The following USH2A variants were observed in gnomAD, a reference collection of about 807,000 sequenced individuals.
USH2A encodes the protein usherin.
Under a neutral mutation model 538.9 loss-of-function variants are expected in USH2A, and 443 were observed. That is an observed-to-expected ratio of 0.82 (90% CI 0.76 to 0.89). USH2A has a LOEUF of 0.89. Among genes scored for constraint, USH2A ranks in the 40% least tolerant of loss-of-function variants. USH2A has a pLI of 0.00. For synonymous variants in USH2A, 2,413 were observed against 2,273.5 expected (o/e 1.06, Z -1.75); for missense variants, 6,633 against 6,324.8 (o/e 1.05, Z -1.65).
chr1:216,304,125 G>A (rs1163055356), intron 9 of USH2A, among the ~76,000 whole-genome samples: 1 of 151,868 alleles, frequency 6.6e-6, no homozygotes, highest in African/African-American at 2.4e-5. Flanking sequence ...ACCATTTTAT[G>A]TACCACTCAA....
At chr1:216,255,481 C>T (rs1379087075) in intron 11 of USH2A, among the ~76,000 whole-genome samples, 1 of 152,120 alleles carries the variant, frequency 6.6e-6, no homozygotes, top group East Asian at 1.9e-4. Flanking sequence ...GTTTCCTCTT[C>T]TAATCTTGGA....
chr1:215,633,340 C>T (rs1656368768), intron 70 of USH2A, among the ~76,000 whole-genome samples: 1 of 152,132 alleles, frequency 6.6e-6, no homozygotes, highest in East Asian at 1.9e-4. Flanking sequence ...TGCTTCTCCA[C>T]CACCACGTCA....
At chr1:215,677,983 T>C (rs1006541178) in intron 62 of USH2A, among the ~76,000 whole-genome samples, 1 of 152,164 alleles carries the variant, frequency 6.6e-6, no homozygotes, top group African/African-American at 2.4e-5. Flanking sequence ...AACCCAAAAC[T>C]CATCTCAAAG....
chr1:216,074,648 T>A (rs2031688211), intron 27 of USH2A, among the ~76,000 whole-genome samples: 1 of 152,166 alleles, frequency 6.6e-6, no homozygotes. Flanking sequence ...AGACACTCAA[T>A]AAGTTGGGTG....
At chr1:216,192,814 T>G (rs1011193151) in intron 19 of USH2A, among the ~76,000 whole-genome samples, 1 of 152,108 alleles carries the variant, frequency 6.6e-6, no homozygotes, top group African/African-American at 2.4e-5. Flanking sequence ...ATATTTATTT[T>G]CCTGCCCCAT....
At chr1:215,731,970 A>G (rs2102716922) in intron 60 of USH2A, among the ~76,000 whole-genome samples, 1 of 152,334 alleles carries the variant, frequency 6.6e-6, no homozygotes, top group South Asian at 2.1e-4. Flanking sequence ...TTCATTTTGT[A>G]AAGTGGAGTT....
At chr1:216,328,302 G>A (rs2037776930) in intron 4 of USH2A, among the ~76,000 whole-genome samples, 1 of 152,032 alleles carries the variant, frequency 6.6e-6, no homozygotes, top group Admixed American at 6.6e-5. Context: ...CTTTGAATTA[G>A]GTGACCTTTC....
intron 13 of USH2A, among the ~76,000 whole-genome samples, chr1:216,233,357 G>A (rs542163652): frequency 6.6e-6 from 1 of 152,144 alleles, no homozygotes; most frequent in East Asian, 1.9e-4. Context: ...GACTTCCTCA[G>A]GCAACTTTCC....
chr1:216,347,798 C>T (rs1202522886), intron 4 of USH2A, among the ~76,000 whole-genome samples: 1 of 152,030 alleles, frequency 6.6e-6, no homozygotes, highest in Non-Finnish European at 1.5e-5. Flanking sequence ...CTGTTTTAAT[C>T]CTCTTTAAAA....
Position 215,674,212 on chromosome 1 carries a change from G to T in USH2A, c.13699C>A (p.Leu4567Ile). 1 of 1,614,152 alleles carries T rather than the reference G, an allele frequency of 6.2e-7. No homozygotes were observed. The highest frequency in any genetic ancestry group is 8.5e-7 in the Non-Finnish European group (1 of 1,180,022). ...RTNGDIINYT[L>I]FIRELFERET... ...CTTTCAAATAGTTCACGGATGAAGA[G>T]GGTATAATTGATGATATCACCATTT... The change falls in exon 63 of 72, where the codon CTC (leucine) becomes ATC (isoleucine). Residue 4567 changes from leucine to isoleucine, a missense_variant. Leu to Ile is a conservative substitution (Grantham distance 5). Coordinates refer to ENST00000307340, the MANE Select transcript of USH2A (RefSeq NM_206933.4).
chr1:215,841,201 G>A (rs1468838885), intron 46 of USH2A, among the ~76,000 whole-genome samples: 1 of 151,998 alleles, frequency 6.6e-6, no homozygotes, highest in Non-Finnish European at 1.5e-5. Flanking sequence ...CTACTTTAAA[G>A]TTCATATGGA....
chr1:215,764,252 G>A (rs1253192091), intron 56 of USH2A, among the ~76,000 whole-genome samples: 2 of 152,184 alleles, frequency 1.3e-5, no homozygotes, highest in Admixed American at 1.3e-4. Flanking sequence ...AAAACCAAGG[G>A]TGTGTAAACG....
At chr1:216,216,545 C>T (rs946557190) in intron 15 of USH2A, among the ~76,000 whole-genome samples, 2 of 151,936 alleles carry the variant, frequency 1.3e-5, no homozygotes, top group Non-Finnish European at 2.9e-5. Context: ...CTCAGGACAC[C>T]CCAAGGAGAA....
intron 36 of USH2A, among the ~76,000 whole-genome samples, chr1:215,969,199 G>A (rs555656559): frequency 1.2e-4 from 18 of 152,244 alleles, no homozygotes; most frequent in South Asian, 8.3e-4. Flanking sequence ...AGGGAAAAGC[G>A]TTTGCATACT....
At chr1:215,859,816 C>A (rs1664269833) in intron 44 of USH2A, among the ~76,000 whole-genome samples, 1 of 152,196 alleles carries the variant, frequency 6.6e-6, no homozygotes, top group Admixed American at 6.5e-5. Context: ...GTGCTTCTTA[C>A]ATGGCCTTAA....
chr1:216,416,122 T>C (rs1334028681), intron 3 of USH2A, among the ~76,000 whole-genome samples: 3 of 151,984 alleles, frequency 2.0e-5, no homozygotes, highest in Non-Finnish European at 4.4e-5. Flanking sequence ...GCCAAGATCA[T>C]GCCATTGCAC....
chr1:215,905,947 C>A (rs1665630174), intron 38 of USH2A, among the ~76,000 whole-genome samples: 1 of 152,106 alleles, frequency 6.6e-6, no homozygotes, highest in Non-Finnish European at 1.5e-5. Context: ...TTGGATTACA[C>A]ATTTCTTCAT....
chr1:216,284,849 A>T (rs1053832397), intron 11 of USH2A, among the ~76,000 whole-genome samples: 1 of 152,176 alleles, frequency 6.6e-6, no homozygotes, highest in Non-Finnish European at 1.5e-5. Context: ...AGCTGGAGAT[A>T]AGTAACTTGT....
intron 40 of USH2A, among the ~76,000 whole-genome samples, chr1:215,894,139 C>G (rs1436481832): frequency 6.6e-6 from 1 of 152,108 alleles, no homozygotes; most frequent in African/African-American, 2.4e-5. Context: ...CTTAAGGCAA[C>G]TGGAAAAATA....
Sources: allele counts gnomAD v4.1 joint callset (sites outside exome capture counted in the v4.1 genomes callset), GRCh38; gene constraint gnomAD v4.1.1; transcripts MANE v1.5; gene names NCBI Gene and HGNC (gene_info 2026-07-23, HGNC 2026-07-21).